The following MEGF6 variants were observed in gnomAD, a reference collection of about 807,000 sequenced individuals.
MEGF6 encodes the protein multiple epidermal growth factor-like domains protein 6.
In MEGF6, 184 loss-of-function variants were observed where a neutral mutation model predicts 207.1. That is an observed-to-expected ratio of 0.89 (90% confidence interval 0.79 to 1.00). The LOEUF is 1.00. MEGF6 is among the 50% of genes least tolerant of loss of function. The pLI is 0.00. For missense variants in MEGF6, 2,282 were observed against 2,202.9 expected (o/e 1.04, Z -0.72); for synonymous variants, 1,038 against 910.0 (o/e 1.14, Z -2.53).
chr1:3,499,995 G>C, intron 21 of MEGF6, 71 bp from the exon 22 acceptor site: 1 of 1,486,032 alleles, frequency 6.7e-7, no homozygotes, highest in Non-Finnish European at 9.0e-7. Context: ...CCCGGGCCTT[G>C]CCGCCATCCC....
At position 3,565,739 on chromosome 1, in the gene MEGF6, A is replaced by G. The variant is rs868842900; in HGVS notation, c.481+14086T>C. Among the ~76,000 whole-genome samples the G allele has an allele frequency of 2.0e-5, 3 of 152,256 alleles. No individual in the cohort carries two copies. Among genetic ancestry groups the G allele is most frequent in the South Asian group, 2.1e-4 (1 of 4,822 alleles). ...CCAAAGCCCACTGCAGTTTCCCAGG[A>G]GGGCAGGGGACCCCCAAGTGGAGGT... On this transcript the variant is annotated intron_variant, in intron 4 of 36. Coordinates refer to ENST00000356575, the MANE Select transcript of MEGF6 (RefSeq NM_001409.4). This position sits in a 1 kb window ranked among gnomAD's most constrained non-coding sequence, Gnocchi z 4.8.
At chr1:3,511,741 C>A in intron 8 of MEGF6, 54 bp from the exon 9 acceptor site, 1 of 1,572,082 alleles carries the variant, frequency 6.4e-7, no homozygotes, top group East Asian at 2.3e-5. Context: ...ATGACCCCCA[C>A]CTACCTTAGT....
chr1:3,493,642 C>T, intron 34 of MEGF6, 129 bp downstream of exon 34: 1 of 1,303,528 alleles, frequency 7.7e-7, no homozygotes, highest in Non-Finnish European at 1.0e-6. Flanking sequence ...GGGCACAGTC[C>T]AGGTGCAGAG....
At chr1:3,553,358 T>G (rs1469617932) in intron 4 of MEGF6, among the ~76,000 whole-genome samples, 1 of 151,616 alleles carries the variant, frequency 6.6e-6, no homozygotes, top group Non-Finnish European at 1.5e-5. Context: ...CTGGGTCTTT[T>G]CCTGAGAGTC....
At chr1:3,623,622 G>A in the MEGF6 span, 2 of 152,208 alleles carry the variant, frequency 1.3e-5, no homozygotes, top group Non-Finnish European at 2.9e-5. Context: ...ACCCGCTGTG[G>A]TGCAACATGC....
At chr1:3,528,958 G>A (rs1642056788) in intron 4 of MEGF6, among the ~76,000 whole-genome samples, 1 of 149,672 alleles carries the variant, frequency 6.7e-6, no homozygotes, top group African/African-American at 2.4e-5. Flanking sequence ...AGATACCACT[G>A]TCGTCTCAGG....
At chr1:3,528,423 G>A (rs932940101) in intron 4 of MEGF6, among the ~76,000 whole-genome samples, 1 of 152,210 alleles carries the variant, frequency 6.6e-6, no homozygotes, top group East Asian at 1.9e-4. Flanking sequence ...AGAGCCGTAG[G>A]CGCAGTGGCC....
intron 4 of MEGF6, among the ~76,000 whole-genome samples, chr1:3,559,051 T>C (rs1396013486): frequency 6.6e-6 from 1 of 151,716 alleles, no homozygotes; most frequent in African/African-American, 2.4e-5. Context: ...AAAATAAAAA[T>C]GAAAAATAAA....
intron 3 of MEGF6, among the ~76,000 whole-genome samples, chr1:3,586,007 A>G (rs369040004): frequency 1.0e-3 from 104 of 104,450 alleles, no homozygotes; most frequent in African/African-American, 4.5e-3. Flanking sequence ...GTGTGTGGAC[A>G]CATGTCCTGT....
At position 3,494,011 on chromosome 1, in the gene MEGF6, G is replaced by A. The variant is rs780086194; in HGVS notation, c.4243C>T (p.His1415Tyr). The A allele has an allele frequency of 1.2e-5, 20 of 1,603,980 alleles. No homozygotes were observed. Among genetic ancestry groups the A allele is most frequent in the East Asian group, 2.3e-5 (1 of 44,376 alleles). The change falls in exon 33 of 37, where the codon CAC (histidine) becomes TAC (tyrosine). Residue 1415 changes from histidine (H) to tyrosine (Y), a missense_variant. By Grantham distance (83) the His-to-Tyr change is moderately conservative. Transcript: ENST00000356575. ...AAGCACTCACCCCTCTCACAGAAGT[G>A]GCCGTGGAAGCCGGCAGGGCAGAGG... ...RCLCPAGFHGHFCERGCEPGS... is the reference protein window; with the variant it reads ...RCLCPAGFHGYFCERGCEPGS...
At chr1:3,510,560 TCAAC>T (rs952633807) in intron 10 of MEGF6, among the ~76,000 whole-genome samples, 11 of 142,124 alleles carry the variant, frequency 7.7e-5, no homozygotes, top group African/African-American at 2.2e-4. Context: ...CAGCAGGGGC[TCAAC>T]CAACACCCAC....
At chr1:3,591,419 C>T (rs911100499) in intron 3 of MEGF6, among the ~76,000 whole-genome samples, 3 of 152,220 alleles carry the variant, frequency 2.0e-5, no homozygotes, top group South Asian at 2.1e-4. Context: ...CTGCTACTAA[C>T]AGGAGTCACC....
chr1:3,508,358 A>G (rs1641197060), intron 13 of MEGF6, among the ~76,000 whole-genome samples, 200 bp downstream of exon 13: 2 of 152,220 alleles, frequency 1.3e-5, no homozygotes, highest in African/African-American at 4.8e-5. Context: ...TACTGCCTGG[A>G]ACAGTGCGTG....
chr1:3,501,003 G>A lies in MEGF6; in HGVS notation c.2538C>T (p.Ser846=), dbSNP rs1640837329. 5.0e-6 allele frequency: 8 copies of A among 1,612,442 alleles called. No homozygotes were observed. The highest frequency in any genetic ancestry group is 5.1e-6 in the Non-Finnish European group (6 of 1,179,972). Residue 846 remains serine (S), a synonymous_variant, in exon 20 of 37, where the codon AGC becomes AGT. Coordinates refer to ENST00000356575, the MANE Select transcript of MEGF6 (RefSeq NM_001409.4). ...TAAAGCCGGTCCACCCGGGGGCACA[G>A]CTGCAGTGTCCGGTGGCTGGGTGGC... ...GHCHPATGHC[S]CAPGWTGFSC... is the part of the protein sequence containing the mutation.
intron 4 of MEGF6, among the ~76,000 whole-genome samples, chr1:3,561,588 G>C (rs1643203564): frequency 6.6e-6 from 1 of 152,216 alleles, no homozygotes; most frequent in Non-Finnish European, 1.5e-5. Context: ...GGGGGAGCTT[G>C]TGGGAGGCCC....
rs1047141022 is a variant in MEGF6, at chr1:3,590,479, C to T, written c.376+4859G>A. On this transcript the variant is annotated intron_variant, in intron 3 of 36. Coordinates refer to ENST00000356575, the MANE Select transcript of MEGF6 (RefSeq NM_001409.4). ...AAGGCGTTGTGGGCTCTGGAAGCCC[C>T]GGTCATGAGGCCCCACCGCCCCGCC... Among the ~76,000 whole-genome samples the T allele has an allele frequency of 3.3e-5, 5 of 152,220 alleles. No individual in the cohort carries two copies. The South Asian group carries it at 6.2e-4, about 19-fold the overall frequency.
chr1:3,578,523 A>G (rs1002745979), intron 4 of MEGF6, among the ~76,000 whole-genome samples: 2 of 144,246 alleles, frequency 1.4e-5, no homozygotes, highest in African/African-American at 2.7e-5. Flanking sequence ...GGGCAATGAC[A>G]GGGCAGGGGC....
At chr1:3,491,486 G>A (rs1006570960) in intron 35 of MEGF6, among the ~76,000 whole-genome samples, 1 of 152,018 alleles carries the variant, frequency 6.6e-6, no homozygotes, top group East Asian at 1.9e-4. Flanking sequence ...CCGCTCCACC[G>A]AGATGGGGGC....
Position 3,514,560 on chromosome 1 carries a change from C to G in MEGF6, c.843G>C (p.Lys281Asn), listed in dbSNP as rs1473332868. Residue 281 changes from lysine (K) to asparagine (N), a missense_variant, in exon 7 of 37, where the codon AAG becomes AAC. Lys to Asn is a moderately conservative substitution (Grantham distance 94). Transcript: ENST00000356575. ...GGAGGGGCGTCCTACCTTCACAGGC[C>G]TTGCCGTCCGCTGCTAGCTGATAGC... ...HVGYQLAADG[K>N]ACEDVDECAA... 1 of 1,591,772 alleles carries G rather than the reference C, an allele frequency of 6.3e-7. No individual in the cohort carries two copies. Among genetic ancestry groups the G allele is most frequent in the African/African-American group, 1.3e-5 (1 of 74,694 alleles).
Sources: allele counts gnomAD v4.1 joint callset (sites outside exome capture counted in the v4.1 genomes callset), GRCh38; gene constraint gnomAD v4.1.1; non-coding constraint Gnocchi (gnomAD v3.1); transcripts MANE v1.5; gene names NCBI Gene and HGNC (gene_info 2026-07-23, HGNC 2026-07-21).